Variants in NHSL2 observed in about 807,000 individuals in gnomAD.
NHSL2 encodes NHS-like protein 2.
In NHSL2, 27 loss-of-function variants were observed where a neutral mutation model predicts 53.4. The observed-to-expected ratio is 0.51, with a 90% CI of 0.37 to 0.70. NHSL2 has a LOEUF of 0.70. Ranked by LOEUF, NHSL2 falls within the 30% of genes least tolerant of loss-of-function variation. The pLI is 0.00. For synonymous variants in NHSL2, 408 were observed against 404.1 expected (o/e 1.01, Z -0.12); for missense variants, 892 against 980.1 (o/e 0.91, Z 1.20).
At chrX:71,961,878 A>G (rs1331766699) in intron 1 of NHSL2, among the ~76,000 whole-genome samples, 1 of 111,930 alleles carries the variant, frequency 8.9e-6, no homozygotes, top group East Asian at 2.8e-4. Flanking sequence ...CATGGTGGCC[A>G]GGCTGGTCTC....
intron 1 of NHSL2, chrX:72,130,179 C>T: frequency 8.3e-7 from 1 of 1,210,866 alleles, no homozygotes; most frequent in African/African-American, 1.7e-5. Context: ...CATCCAGTGG[C>T]TCCTCCTCCA....
At chrX:72,034,466 C>CT (rs776620725) in intron 1 of NHSL2, among the ~76,000 whole-genome samples, 2 of 111,682 alleles carry the variant, frequency 1.8e-5, no homozygotes, top group Non-Finnish European at 3.8e-5. Flanking sequence ...GTGTTCCCCC[C>CT]TTTTCTATTT....
At chrX:72,025,030 A>AT (rs998970024) in intron 1 of NHSL2, among the ~76,000 whole-genome samples, 2 of 111,788 alleles carry the variant, frequency 1.8e-5, no homozygotes, top group African/African-American at 6.5e-5. Context: ...CTATTGACCA[A>AT]TGTCTTAGAT....
chrX:71,922,689 C>G (rs188057846), intron 1 of NHSL2, among the ~76,000 whole-genome samples: 113 of 112,210 alleles, frequency 1.0e-3, no homozygotes, highest in Non-Finnish European at 1.7e-3. Flanking sequence ...TCAGAGGAAT[C>G]TGTTTAAGAA....
intron 1 of NHSL2, among the ~76,000 whole-genome samples, chrX:72,010,312 T>C (rs1208596857): frequency 8.9e-6 from 1 of 112,335 alleles, no homozygotes; most frequent in Non-Finnish European, 1.9e-5. Context: ...GACCACAGTG[T>C]TGGTGACACA....
chrX:71,950,615 C>G (rs1357009850), intron 1 of NHSL2, among the ~76,000 whole-genome samples: 1 of 112,458 alleles, frequency 8.9e-6, no homozygotes, highest in Non-Finnish European at 1.9e-5. Flanking sequence ...TATAAGTGCC[C>G]AAGAATGGCA....
At chrX:72,086,115 T>TA (rs2147434026) in intron 1 of NHSL2, among the ~76,000 whole-genome samples, 1 of 111,768 alleles carries the variant, frequency 8.9e-6, no homozygotes, top group African/African-American at 3.2e-5. Flanking sequence ...GAACCAACAG[T>TA]TGTTTTGTGT....
chrX:72,111,941 A>G (rs988770629), intron 1 of NHSL2, among the ~76,000 whole-genome samples: 1 of 110,956 alleles, frequency 9.0e-6, no homozygotes, highest in Non-Finnish European at 1.9e-5. Flanking sequence ...GGTAAGTGCT[A>G]TGAAGAAAAG....
At chrX:72,055,443 T>G (rs2042363888) in intron 1 of NHSL2, among the ~76,000 whole-genome samples, 1 of 112,570 alleles carries the variant, frequency 8.9e-6, no homozygotes, top group Non-Finnish European at 1.9e-5. Flanking sequence ...ATCTTTCTGT[T>G]TGTGTCTTGC....
intron 1 of NHSL2, among the ~76,000 whole-genome samples, chrX:71,984,576 G>A (rs1020882543): frequency 3.6e-5 from 4 of 111,894 alleles, no homozygotes; most frequent in African/African-American, 1.3e-4. Context: ...GGAATAAGCA[G>A]AGTCAGTATA....
chrX:71,954,955 C>T (rs2041836499), intron 1 of NHSL2, among the ~76,000 whole-genome samples: 1 of 112,216 alleles, frequency 8.9e-6, no homozygotes, highest in African/African-American at 3.2e-5. Flanking sequence ...ATATTCAGGC[C>T]CTTGCCTGGC....
At position 71,964,027 on chromosome X, in the gene NHSL2, G is replaced by GTGTGTGTA. The variant is rs1235148982; in HGVS notation, c.280+52661_280+52662insGTGTGTAT. Among the ~76,000 whole-genome samples, 89 of 14,181 alleles carry GTGTGTGTA rather than the reference G, an allele frequency of 6.3e-3. 3 individuals carry two copies. Among genetic ancestry groups the GTGTGTGTA allele is most frequent in the African/African-American group, 7.0e-3 (57 of 8,087 alleles). 12.3% of individuals were successfully genotyped at this position (14,181 alleles called of 115,157 possible). A position where few individuals can be genotyped will look rare whatever the true frequency, so the allele number is the denominator to read the frequency against. ...TATATATATGTATATATATATATGT[G>GTGTGTGTA]TATATATATATATATGTATATATAT... On this transcript the variant is annotated intron_variant, in intron 1 of 7. Coordinates refer to ENST00000633930, the MANE Select transcript of NHSL2 (RefSeq NM_001013627.3).
intron 1 of NHSL2, among the ~76,000 whole-genome samples, chrX:71,979,293 G>A (rs2041963737): frequency 9.0e-6 from 1 of 110,623 alleles, no homozygotes; most frequent in Admixed American, 9.6e-5. Flanking sequence ...GGATGGCTGG[G>A]TCAAATGGTA....
chrX:71,969,172 C>T (rs1266371613), intron 1 of NHSL2, among the ~76,000 whole-genome samples: 1 of 110,624 alleles, frequency 9.0e-6, no homozygotes, highest in African/African-American at 3.3e-5. Context: ...AGATGTTTTC[C>T]CATTTATTTA....
chrX:72,031,976 T>C (rs539831372), intron 1 of NHSL2, among the ~76,000 whole-genome samples: 60 of 111,780 alleles, frequency 5.4e-4, no homozygotes, highest in African/African-American at 2.0e-3. Context: ...GTTTTACATG[T>C]CATGTACTCT....
At chrX:72,004,340 C>T (rs1338727442) in intron 1 of NHSL2, among the ~76,000 whole-genome samples, 1 of 112,315 alleles carries the variant, frequency 8.9e-6, no homozygotes, top group Non-Finnish European at 1.9e-5. Flanking sequence ...GGGCAGGAAT[C>T]TGGCCAGGCT....
At chrX:72,076,604 G>C (rs2041745633) in intron 1 of NHSL2, among the ~76,000 whole-genome samples, 1 of 111,873 alleles carries the variant, frequency 8.9e-6, no homozygotes, top group Admixed American at 9.5e-5. Context: ...CCATTATCAA[G>C]CTGGGAGAAA....
chrX:72,111,632 G>A (rs2042094343), intron 1 of NHSL2, among the ~76,000 whole-genome samples: 1 of 112,098 alleles, frequency 8.9e-6, no homozygotes, highest in African/African-American at 3.2e-5. Flanking sequence ...AGCAGCAGCA[G>A]TAGCAGTTCT....
intron 1 of NHSL2, among the ~76,000 whole-genome samples, chrX:71,992,988 G>C (rs184295294): frequency 1.8e-5 from 2 of 112,253 alleles, no homozygotes; most frequent in East Asian, 5.6e-4. Flanking sequence ...AAACCAGGGT[G>C]CTCTGGCAGC....
Sources: gnomAD v4.1 joint callset for allele counts (sites outside exome capture counted in the v4.1 genomes callset) on GRCh38, gnomAD v4.1.1 for gene constraint, MANE v1.5 for transcripts, NCBI Gene and HGNC (gene_info 2026-07-23, HGNC 2026-07-21) for gene names.